ROBO1: variants seen among roughly 807,000 people sequenced by gnomAD.
ROBO1 encodes roundabout homolog 1.
A neutral mutation model predicts 195.9 loss-of-function variants in ROBO1; 149 were observed. That is an observed-to-expected ratio of 0.76 (90% CI 0.67 to 0.87). ROBO1 has a LOEUF of 0.87. Ranked by LOEUF, ROBO1 falls within the 40% of genes least tolerant of loss-of-function variation. The pLI is 0.00. For missense variants in ROBO1, 1,933 were observed against 2,068.3 expected, an observed-to-expected ratio of 0.93 and a Z score of 1.27; for synonymous variants, 816 against 733.2, an observed-to-expected ratio of 1.11 and a Z score of -1.82.
intron 1 of ROBO1, among the ~76,000 whole-genome samples, chr3:79,634,627 A>AT (rs1451107220): frequency 6.6e-6 from 1 of 152,078 alleles, no homozygotes; most frequent in Non-Finnish European, 1.5e-5. Flanking sequence ...ATTTAGGTAC[A>AT]TTTTTTGTGG....
rs527261653 is a variant in ROBO1, at chr3:78,597,540, AT to A, written c.*1372del. On this transcript the variant is annotated 3_prime_UTR_variant, in exon 31 of 31. Coordinates refer to ENST00000464233, the MANE Select transcript of ROBO1 (RefSeq NM_002941.4). Reference sequence around the variant, plus strand: ...CTTATCTATCTATGAATAAATGTACATTTTTTTCTTCAAATAGCACCAATTA... The same window carrying A: ...CTTATCTATCTATGAATAAATGTACATTTTTTCTTCAAATAGCACCAATTA... The A allele has an allele frequency of 1.3e-5, 2 of 152,258 alleles. No homozygotes were observed. The highest frequency in any genetic ancestry group is 2.9e-5 in the Non-Finnish European group (2 of 67,984). 9.4% of individuals were successfully genotyped at this position (152,258 alleles called of 1,614,324 possible).
At chr3:78,736,975 C>T (rs3773245) in intron 5 of ROBO1, among the ~76,000 whole-genome samples, 32,402 of 152,034 alleles carry the variant, frequency 0.21, 3,544 homozygotes, top group East Asian at 0.24. Context: ...TAATACGTAA[C>T]TAGAACTGTT....
intron 2 of ROBO1, among the ~76,000 whole-genome samples, chr3:79,541,982 G>T (rs1942089305): frequency 6.6e-6 from 1 of 151,396 alleles, no homozygotes; most frequent in African/African-American, 2.4e-5. Context: ...ATTTTCAGTG[G>T]TTGGATTTAT....
chr3:79,757,248 G>A (rs966897195), intron 1 of ROBO1, among the ~76,000 whole-genome samples: 1 of 152,052 alleles, frequency 6.6e-6, no homozygotes, highest in Non-Finnish European at 1.5e-5. Flanking sequence ...TATTTCCACA[G>A]TGCCTGTACC....
At chr3:79,080,813 A>G (rs1436133536) in intron 3 of ROBO1, among the ~76,000 whole-genome samples, 1 of 152,084 alleles carries the variant, frequency 6.6e-6, no homozygotes, top group Non-Finnish European at 1.5e-5. Context: ...TGGATAGAGT[A>G]ATTAAGAATC....
intron 8 of ROBO1, among the ~76,000 whole-genome samples, chr3:78,706,678 T>A (rs921871297): frequency 6.6e-6 from 1 of 152,008 alleles, no homozygotes; most frequent in African/African-American, 2.4e-5. Flanking sequence ...GAAGAATAGA[T>A]TCTATGAGAC....
chr3:79,217,258 T>C (rs1052630159), intron 2 of ROBO1, among the ~76,000 whole-genome samples: 1 of 152,066 alleles, frequency 6.6e-6, no homozygotes, highest in African/African-American at 2.4e-5. Flanking sequence ...TGATAAAACA[T>C]ATTTATTTAA....
At chr3:79,630,600 A>T (rs1428278632) in intron 1 of ROBO1, among the ~76,000 whole-genome samples, 6 of 152,020 alleles carry the variant, frequency 3.9e-5, no homozygotes, top group Non-Finnish European at 8.8e-5. Context: ...GCTCACTTTC[A>T]ACACTTCTAT....
At chr3:78,765,830 C>T (rs921249184) in intron 4 of ROBO1, among the ~76,000 whole-genome samples, 3 of 152,104 alleles carry the variant, frequency 2.0e-5, no homozygotes, top group East Asian at 1.9e-4. Flanking sequence ...AAAATGTGTC[C>T]GAGTAAATTT....
chr3:78,990,491 A>G (rs1305982182), intron 3 of ROBO1, among the ~76,000 whole-genome samples: 1 of 152,200 alleles, frequency 6.6e-6, no homozygotes, highest in Non-Finnish European at 1.5e-5. Context: ...TTTATAACTA[A>G]TAACAAAGCA....
chr3:78,700,270 G>C (rs935225828), intron 8 of ROBO1, among the ~76,000 whole-genome samples: 4 of 152,146 alleles, frequency 2.6e-5, no homozygotes, highest in South Asian at 2.1e-4. Context: ...TTCTTCGCTA[G>C]GTTATAATAA....
chr3:78,757,497 C>A (rs1360132367), intron 4 of ROBO1, among the ~76,000 whole-genome samples: 1 of 151,808 alleles, frequency 6.6e-6, no homozygotes, highest in Non-Finnish European at 1.5e-5. Context: ...GCCCACAATA[C>A]CAGCAGTTAA....
At chr3:78,872,343 C>T (rs906772929) in intron 4 of ROBO1, among the ~76,000 whole-genome samples, 6 of 152,210 alleles carry the variant, frequency 3.9e-5, no homozygotes, top group Non-Finnish European at 8.8e-5. Flanking sequence ...GGAAGTGACT[C>T]CCAGCTACGC....
intron 2 of ROBO1, among the ~76,000 whole-genome samples, chr3:79,144,976 A>G (rs2080614680): frequency 6.6e-6 from 1 of 152,028 alleles, no homozygotes. Flanking sequence ...GTGTACAACT[A>G]TAAAGACCTG....
intron 8 of ROBO1, among the ~76,000 whole-genome samples, chr3:78,689,699 T>A (rs2081129263): frequency 1.3e-5 from 2 of 152,120 alleles, no homozygotes; most frequent in Non-Finnish European, 2.9e-5. Flanking sequence ...AATGAATGCT[T>A]CAAGCGACAT....
chr3:79,184,563 A>T (rs1210577332), intron 2 of ROBO1, among the ~76,000 whole-genome samples: 1 of 152,136 alleles, frequency 6.6e-6, no homozygotes, highest in Non-Finnish European at 1.5e-5. Flanking sequence ...CAGTGTGGAC[A>T]ATGGAGTTGG....
intron 4 of ROBO1, among the ~76,000 whole-genome samples, chr3:78,932,818 T>C (rs1362687681): frequency 1.3e-5 from 2 of 152,292 alleles, no homozygotes; most frequent in East Asian, 3.9e-4. Context: ...AATGCATGTA[T>C]GTATTTTAAA....
intron 4 of ROBO1, among the ~76,000 whole-genome samples, chr3:78,894,053 G>A (rs1333622237): frequency 1.3e-5 from 2 of 152,128 alleles, no homozygotes; most frequent in Non-Finnish European, 1.5e-5. Context: ...ACGCTTAGCC[G>A]AATCTCAATT....
chr3:79,616,280 T>C (rs915488954), intron 1 of ROBO1, among the ~76,000 whole-genome samples: 1 of 152,214 alleles, frequency 6.6e-6, no homozygotes, highest in Non-Finnish European at 1.5e-5. Flanking sequence ...ATTTCAGTCC[T>C]TGTGTCTCCA....
Sources: gnomAD v4.1 joint callset for allele counts (sites outside exome capture counted in the v4.1 genomes callset) on GRCh38, gnomAD v4.1.1 for gene constraint, MANE v1.5 for transcripts, NCBI Gene and HGNC (gene_info 2026-07-23, HGNC 2026-07-21) for gene names.